Variants in SMC6 observed in about 807,000 individuals in gnomAD.
SMC6 encodes the protein structural maintenance of chromosomes protein 6.
Under a neutral mutation model 142.2 loss-of-function variants are expected in SMC6, and 79 were observed. The observed-to-expected ratio is 0.56, with a 90% CI of 0.46 to 0.67. SMC6 has a LOEUF of 0.67. Ranked by LOEUF, SMC6 falls within the 30% of genes least tolerant of loss-of-function variation. SMC6 has a pLI of 0.00. For missense variants in SMC6, 1,072 were observed against 1,284.0 expected, an observed-to-expected ratio of 0.83 and a Z score of 2.52; for synonymous variants, 411 against 412.4, an observed-to-expected ratio of 1.00 and a Z score of 0.04.
At position 17,720,999 on chromosome 2, in the gene SMC6, T is replaced by C; in HGVS notation, c.886A>G (p.Asn296Asp). The C allele has an allele frequency of 1.2e-6, 2 of 1,613,792 alleles. No individual in the cohort carries two copies. Among genetic ancestry groups the C allele is most frequent in the East Asian group, 4.5e-5 (2 of 44,828 alleles). ...IEKQLNAIRD[N>D]IKIGEDRAAR... Reference sequence around the variant, plus strand: ...GCACGATCTTCTCCAATTTTGATATTATCTCTGATGGCATTCAATTGTTTT... The same window carrying C: ...GCACGATCTTCTCCAATTTTGATATCATCTCTGATGGCATTCAATTGTTTT... The change falls in exon 11 of 28, where the codon AAT (asparagine) becomes GAT (aspartate). Residue 296 changes from asparagine (N) to aspartate (D), a missense_variant. Physicochemically the swap from Asn to Asp is conservative, Grantham distance 23 (BLOSUM62 1). Around this residue, in one of 3 missense-constraint regions of SMC6, gnomAD observed 994 missense variants for 1,153.2 expected, o/e 0.86. Coordinates refer to ENST00000448223, the MANE Select transcript of SMC6 (RefSeq NM_001142286.2).
At chr2:17,741,077 A>C (rs1386670507) in intron 4 of SMC6, among the ~76,000 whole-genome samples, 1 of 152,194 alleles carries the variant, frequency 6.6e-6, no homozygotes, top group African/African-American at 2.4e-5. Context: ...GTTCCTATAC[A>C]CATCTACCTC....
At chr2:17,732,343 A>G (rs1038842205) in intron 5 of SMC6, among the ~76,000 whole-genome samples, 2 of 152,222 alleles carry the variant, frequency 1.3e-5, no homozygotes, top group Admixed American at 6.5e-5. Context: ...GATTAGAATT[A>G]AAAAAGGTAA....
chr2:17,734,879 C>A (rs905837849), intron 5 of SMC6, among the ~76,000 whole-genome samples: 4 of 151,990 alleles, frequency 2.6e-5, no homozygotes, highest in African/African-American at 7.2e-5. Flanking sequence ...TTACAGGCAC[C>A]CACCACCACA....
intron 24 of SMC6, chr2:17,679,289 C>A: frequency 5.0e-6 from 1 of 200,076 alleles, no homozygotes; most frequent in Non-Finnish European, 1.0e-5. Context: ...AATTAATAAT[C>A]TAAGGCATTA....
intron 23 of SMC6, among the ~76,000 whole-genome samples, chr2:17,688,253 C>A (rs1458135777): frequency 1.3e-5 from 2 of 150,486 alleles, no homozygotes; most frequent in African/African-American, 4.9e-5. Flanking sequence ...GACTCCAAGG[C>A]TGGGTCAGGT....
intron 18 of SMC6, among the ~76,000 whole-genome samples, chr2:17,705,110 T>C (rs779862193): frequency 6.6e-6 from 1 of 151,440 alleles, no homozygotes; most frequent in Non-Finnish European, 1.5e-5. Context: ...GTGCAGAAAT[T>C]AGCCGGGTGT....
intron 2 of SMC6, among the ~76,000 whole-genome samples, chr2:17,752,003 A>T (rs943648046): frequency 6.6e-6 from 1 of 152,242 alleles, no homozygotes; most frequent in Non-Finnish European, 1.5e-5. Flanking sequence ...TACCTTTAAC[A>T]TGACTTGTGT....
At chr2:17,716,429 A>C (rs1669087667) in intron 14 of SMC6, among the ~76,000 whole-genome samples, 165 bp from the exon 15 acceptor site, 1 of 152,196 alleles carries the variant, frequency 6.6e-6, no homozygotes, top group South Asian at 2.1e-4. Context: ...AGAGAAAAAC[A>C]GTCTGGAGTC....
Position 17,716,183 on chromosome 2 carries a change from T to A in SMC6, c.1428A>T (p.Arg476=), listed in dbSNP as rs772638089. The stretch of plus-strand genomic sequence containing the variant: ...GAACATTAGGGCCAAATCTTTTGAG[T>A]CGATCAGTTTTACTATCTTTCAATT... ...LKELKDSKTD[R]LKRFGPNVPA... Residue 476 remains arginine, a synonymous_variant, in exon 15 of 28, where the codon CGA becomes CGT. Coordinates refer to ENST00000448223, the MANE Select transcript of SMC6 (RefSeq NM_001142286.2). 1.9e-5 allele frequency: 30 copies of A among 1,612,896 alleles called. No homozygotes were observed. In the East Asian group the frequency reaches 6.2e-4, roughly 34 times the overall value.
chr2:17,701,778 T>C (rs968774124), intron 20 of SMC6, 51 bp downstream of exon 20: 22 of 1,113,346 alleles, frequency 2.0e-5, no homozygotes, highest in Non-Finnish European at 2.6e-5. Flanking sequence ...TTAACCTAAA[T>C]GGTGGCTTTA....
At chr2:17,714,269 G>A (rs1668971952) in intron 16 of SMC6, among the ~76,000 whole-genome samples, 1 of 151,556 alleles carries the variant, frequency 6.6e-6, no homozygotes, top group South Asian at 2.1e-4. Flanking sequence ...CTATTTTTTT[G>A]TATTTTTGGT....
intron 9 of SMC6, among the ~76,000 whole-genome samples, chr2:17,724,977 A>G (rs1327671423): frequency 1.3e-5 from 2 of 152,228 alleles, no homozygotes; most frequent in Non-Finnish European, 2.9e-5. Context: ...CCCATTAGTC[A>G]TACTATCAGA....
chr2:17,705,348 G>A lies in SMC6; in HGVS notation c.2006+1871C>T, dbSNP rs113734494. On this transcript the variant is annotated intron_variant, in intron 18 of 27. Coordinates refer to ENST00000448223, the MANE Select transcript of SMC6 (RefSeq NM_001142286.2). ...TCTCAGCACTTTAGGAGGTGGAGGT[G>A]GGTAGACCACTTGAAGCCAGGAGTT... Among the ~76,000 whole-genome samples the A allele has an allele frequency of 8.7e-3, 1,325 of 152,160 alleles. 29 individuals carry two copies. Among genetic ancestry groups the A allele is most frequent in the African/African-American group, 0.03 (1,253 of 41,492 alleles).
intron 2 of SMC6, among the ~76,000 whole-genome samples, chr2:17,752,440 T>C (rs1671091722): frequency 6.6e-6 from 1 of 152,178 alleles, no homozygotes; most frequent in South Asian, 2.1e-4. Flanking sequence ...ATACAGAGGA[T>C]GCACTGATAA....
In SMC6 at chr2:17,745,880, ATTC is replaced by A; in HGVS notation, c.64_66del (p.Glu22del). 1.2e-6 allele frequency: 2 copies of A among 1,612,872 alleles called. No individual in the cohort carries two copies. The highest frequency in any genetic ancestry group is 1.7e-6 in the Non-Finnish European group (2 of 1,179,548). The stretch of plus-strand genomic sequence containing the variant: ...TCACCATCTTTATCAAAATCCTCCA[ATTC>A]TTCTTGTCTTGGCCTTTTGGCATTT... On this transcript the variant is annotated inframe_deletion, in exon 3 of 28. Transcript: ENST00000448223.
At chr2:17,687,290 G>A (rs1667500537) in intron 23 of SMC6, among the ~76,000 whole-genome samples, 1 of 152,196 alleles carries the variant, frequency 6.6e-6, no homozygotes, top group Non-Finnish European at 1.5e-5. Flanking sequence ...GCATGTGCAA[G>A]ATAATTCACT....
intron 23 of SMC6, 149 bp downstream of exon 23, chr2:17,695,003 A>G: frequency 1.3e-6 from 1 of 791,102 alleles, no homozygotes; most frequent in East Asian, 2.6e-5. Flanking sequence ...TTTATTGAGA[A>G]TAATACACAT....
rs368500742 is a variant in SMC6 at position 17,725,241 on chromosome 2, T to A, written c.726+16A>T. ...TTGGCTGATCTCAAAAAGATTTACA[T>A]TAACTGTTTACAAACCTCTTCTCCT... On this transcript the variant is annotated intron_variant, in intron 9 of 27. Coordinates refer to ENST00000448223, the MANE Select transcript of SMC6 (RefSeq NM_001142286.2). 6.3e-7 allele frequency: 1 copy of A among 1,574,864 alleles called. No individual in the cohort carries two copies. The highest frequency in any genetic ancestry group is 8.6e-7 in the Non-Finnish European group (1 of 1,156,374).
intron 23 of SMC6, among the ~76,000 whole-genome samples, chr2:17,685,425 A>C (rs892194999): frequency 6.6e-6 from 1 of 152,176 alleles, no homozygotes; most frequent in African/African-American, 2.4e-5. Flanking sequence ...ATTTTATATT[A>C]GGTGAAACTA....
Sources: allele counts gnomAD v4.1 joint callset (sites outside exome capture counted in the v4.1 genomes callset), GRCh38; gene constraint gnomAD v4.1.1; regional missense constraint gnomAD v4.1.1; transcripts MANE v1.5; gene names NCBI Gene and HGNC (gene_info 2026-07-23, HGNC 2026-07-21).